The following TRPC4AP variants were observed in gnomAD, a reference collection of about 807,000 sequenced individuals.
TRPC4AP encodes the protein transient receptor potential cation channel subfamily C member 4 associated protein, also known as short transient receptor potential channel 4-associated protein.
A neutral mutation model predicts 99.0 loss-of-function variants in TRPC4AP; 45 were observed. The ratio of observed to expected loss-of-function variants is 0.45; its 90% CI spans 0.36 to 0.58. TRPC4AP has a LOEUF of 0.58. Ranked by LOEUF, TRPC4AP falls within the 20% of genes least tolerant of loss-of-function variation. TRPC4AP has a pLI of 0.00. For synonymous variants in TRPC4AP, 408 were observed against 385.8 expected (o/e 1.06, Z -0.67); for missense variants, 879 against 985.3 (o/e 0.89, Z 1.44).
intron 1 of TRPC4AP, among the ~76,000 whole-genome samples, chr20:35,081,473 A>G (rs2084644117): frequency 6.6e-6 from 1 of 151,974 alleles, no homozygotes; most frequent in African/African-American, 2.4e-5. Flanking sequence ...GTGATCTGGT[A>G]CCATACTCCA....
Position 35,004,590 on chromosome 20 carries a change from T to C in TRPC4AP, c.1937-20A>G. The C allele has an allele frequency of 1.2e-6, 2 of 1,607,982 alleles. No individual in the cohort carries two copies. Among genetic ancestry groups the C allele is most frequent in the Non-Finnish European group, 1.7e-6 (2 of 1,176,254 alleles). On this transcript the variant is annotated intron_variant, in intron 16 of 18. Transcript: ENST00000252015. Reference sequence around the variant, plus strand: ...CGGCAACTGTGGAGGGAGGCAGGGGTGCAGCAGGTCAGGCTTAGGCCCAGT... The same window carrying C: ...CGGCAACTGTGGAGGGAGGCAGGGGCGCAGCAGGTCAGGCTTAGGCCCAGT...
At chr20:35,080,589 T>A (rs933453558) in intron 1 of TRPC4AP, among the ~76,000 whole-genome samples, 4 of 148,884 alleles carry the variant, frequency 2.7e-5, no homozygotes, top group African/African-American at 9.9e-5. Context: ...AGGCCATATA[T>A]TGTCTGATTC....
chr20:35,026,904 T>C (rs1227014185), intron 8 of TRPC4AP, among the ~76,000 whole-genome samples: 1 of 152,224 alleles, frequency 6.6e-6, no homozygotes, highest in East Asian at 1.9e-4. Flanking sequence ...TAGCCTTGTA[T>C]TCTGAACCTT....
intron 3 of TRPC4AP, among the ~76,000 whole-genome samples, chr20:35,064,267 C>T (rs999080157): frequency 3.3e-5 from 5 of 152,192 alleles, no homozygotes; most frequent in African/African-American, 1.2e-4. Flanking sequence ...TAGGCCAATA[C>T]TTAGGCAGCA....
At chr20:35,043,247 A>ATTT (rs1167449495) in intron 7 of TRPC4AP, among the ~76,000 whole-genome samples, 2 of 142,860 alleles carry the variant, frequency 1.4e-5, no homozygotes, top group Non-Finnish European at 1.5e-5. Flanking sequence ...GCAATGAATA[A>ATTT]TTTTTTTTTT....
chr20:35,086,459 G>GTA (rs1569157406), intron 1 of TRPC4AP, among the ~76,000 whole-genome samples: 4 of 66,202 alleles, frequency 6.0e-5, no homozygotes, highest in African/African-American at 1.9e-4. Context: ...GTGTGTGTGT[G>GTA]TGTGTGTGTG....
chr20:35,070,708 T>C (rs1318312751), intron 2 of TRPC4AP, among the ~76,000 whole-genome samples: 1 of 152,212 alleles, frequency 6.6e-6, no homozygotes, highest in Non-Finnish European at 1.5e-5. Context: ...AAACCTATGT[T>C]ATTTCTTCCC....
At chr20:35,029,583 A>T (rs1312869612) in intron 8 of TRPC4AP, among the ~76,000 whole-genome samples, 1 of 135,860 alleles carries the variant, frequency 7.4e-6, no homozygotes, top group Non-Finnish European at 1.6e-5. Context: ...GTATAACATT[A>T]TATCTCCTTC....
intron 3 of TRPC4AP, 80 bp from the exon 4 acceptor site, chr20:35,057,651 G>A: frequency 8.5e-7 from 1 of 1,169,862 alleles, no homozygotes; most frequent in Non-Finnish European, 1.3e-6. Flanking sequence ...ACCATTCATG[G>A]CCCATGTATC....
At chr20:35,017,631 G>C (rs1434334584) in intron 9 of TRPC4AP, among the ~76,000 whole-genome samples, 1 of 152,150 alleles carries the variant, frequency 6.6e-6, no homozygotes, top group Non-Finnish European at 1.5e-5. Flanking sequence ...GTCAGTGATT[G>C]CAACGGCACC....
chr20:35,039,904 T>C (rs1445412753), intron 7 of TRPC4AP, among the ~76,000 whole-genome samples: 1 of 151,404 alleles, frequency 6.6e-6, no homozygotes. Context: ...GGGGCTCAGA[T>C]AATTTACATT....
At chr20:35,052,464 C>T (rs915474362) in intron 5 of TRPC4AP, among the ~76,000 whole-genome samples, 1 of 151,980 alleles carries the variant, frequency 6.6e-6, no homozygotes, top group Non-Finnish European at 1.5e-5. Flanking sequence ...ATCCAGTAGG[C>T]CAAGCTTTTT....
At chr20:35,072,978 C>G (rs1312039230) in intron 2 of TRPC4AP, among the ~76,000 whole-genome samples, 1 of 152,110 alleles carries the variant, frequency 6.6e-6, no homozygotes, top group Non-Finnish European at 1.5e-5. Context: ...GTTTGTAGTT[C>G]TTCTTGAAGA....
chr20:35,071,493 C>T (rs2084312765), intron 2 of TRPC4AP, among the ~76,000 whole-genome samples: 2 of 140,358 alleles, frequency 1.4e-5, no homozygotes, highest in Non-Finnish European at 1.5e-5. Flanking sequence ...CAAGTGTTCT[C>T]ATTGCTCAAT....
chr20:35,038,570 C>T (rs1268763279), intron 7 of TRPC4AP, among the ~76,000 whole-genome samples: 1 of 147,636 alleles, frequency 6.8e-6, no homozygotes, highest in Non-Finnish European at 1.5e-5. Flanking sequence ...TTTTATATTA[C>T]CTATTTACAT....
At chr20:35,089,450 T>C (rs886611103) in intron 1 of TRPC4AP, among the ~76,000 whole-genome samples, 4 of 151,210 alleles carry the variant, frequency 2.6e-5, no homozygotes, top group Non-Finnish European at 5.9e-5. Flanking sequence ...TGCCCAGGCT[T>C]GACTCAAACT....
At chr20:35,006,318 C>T (rs1333573382) in intron 15 of TRPC4AP, 117 bp downstream of exon 15, 7 of 1,242,396 alleles carry the variant, frequency 5.6e-6, no homozygotes, top group East Asian at 2.3e-5. Flanking sequence ...CCAAAGACTG[C>T]CCAGACTCCC....
At chr20:35,068,976 C>CAAA (rs1204211219) in intron 3 of TRPC4AP, among the ~76,000 whole-genome samples, 35 of 78,962 alleles carry the variant, frequency 4.4e-4, no homozygotes, top group African/African-American at 2.6e-3. Flanking sequence ...CACACACACA[C>CAAA]ACAAAAAAAA....
intron 5 of TRPC4AP, among the ~76,000 whole-genome samples, chr20:35,051,267 G>C (rs2083693440): frequency 6.6e-6 from 1 of 152,136 alleles, no homozygotes; most frequent in African/African-American, 2.4e-5. Flanking sequence ...TTCAGAATCA[G>C]TGAAATGAGA....
Sources: allele counts gnomAD v4.1 joint callset (sites outside exome capture counted in the v4.1 genomes callset), GRCh38; gene constraint gnomAD v4.1.1; transcripts MANE v1.5; gene names NCBI Gene and HGNC (gene_info 2026-07-23, HGNC 2026-07-21).